VAV3: variants seen among roughly 807,000 people sequenced by gnomAD.
VAV3 encodes guanine nucleotide exchange factor VAV3.
In VAV3, 94 loss-of-function variants were observed where a neutral mutation model predicts 131.2. The ratio of observed to expected loss-of-function variants is 0.72; its 90% CI spans 0.61 to 0.85. The LOEUF (loss-of-function observed/expected upper bound fraction) is 0.85, where lower values mean the gene tolerates loss of function less well. VAV3 is among the 40% of genes least tolerant of loss of function. VAV3 has a pLI of 0.00. For synonymous variants in VAV3, 349 were observed against 342.0 expected, an observed-to-expected ratio of 1.02 and a Z score of -0.22; for missense variants, 939 against 1,002.7, an observed-to-expected ratio of 0.94 and a Z score of 0.86.
intron 25 of VAV3, among the ~76,000 whole-genome samples, chr1:107,585,003 T>C (rs1650369826): frequency 6.6e-6 from 1 of 152,198 alleles, no homozygotes; most frequent in Non-Finnish European, 1.5e-5. Context: ...TCACAGGAGC[T>C]TAGAAATTAG....
chr1:107,776,836 A>G (rs1665386138), intron 4 of VAV3, among the ~76,000 whole-genome samples: 1 of 152,162 alleles, frequency 6.6e-6, no homozygotes, highest in African/African-American at 2.4e-5. Context: ...CGCCTACTAA[A>G]ACATCCCGAA....
intron 20 of VAV3, among the ~76,000 whole-genome samples, chr1:107,622,287 A>G (rs1279657390): frequency 6.6e-6 from 1 of 152,192 alleles, no homozygotes; most frequent in Non-Finnish European, 1.5e-5. Flanking sequence ...AATTAAAACT[A>G]CTTCAGGTTT....
At chr1:107,951,410 C>G (rs1557942851) in intron 1 of VAV3, among the ~76,000 whole-genome samples, 2 of 152,294 alleles carry the variant, frequency 1.3e-5, no homozygotes, top group East Asian at 3.9e-4. Context: ...TGATTTATCT[C>G]TATGCCTTTG....
Position 107,609,965 on chromosome 1 carries a change from C to T in VAV3, c.1981G>A (p.Val661Met). The T allele has an allele frequency of 1.9e-6, 3 of 1,613,086 alleles. No individual in the cohort carries two copies. The highest frequency in any genetic ancestry group is 1.7e-6 in the Non-Finnish European group (2 of 1,179,408). ...PSDAVKPCPC[V>M]PKPVDYSCQP... ...CAAGAATAATCTACTGGTTTGGGCA[C>T]CTAGGATATAAAAAAGCAAAAACAG... Residue 661 changes from valine to methionine, a missense_variant and splice_region_variant, in exon 22 of 27, where the codon GTG becomes ATG. Val to Met is a conservative substitution (Grantham distance 21). Transcript: ENST00000370056.
chr1:107,766,652 T>C (rs558582524), intron 7 of VAV3, 102 bp from the exon 8 acceptor site: 7 of 789,656 alleles, frequency 8.9e-6, no homozygotes, highest in East Asian at 5.3e-5. Context: ...ACTCAGGATA[T>C]GCTGAATGCT....
intron 19 of VAV3, among the ~76,000 whole-genome samples, chr1:107,679,484 G>A (rs1570740226): frequency 6.6e-6 from 1 of 152,282 alleles, no homozygotes; most frequent in Non-Finnish European, 1.5e-5. Context: ...CGCCTGAAGT[G>A]TTTAAAAGCT....
intron 25 of VAV3, among the ~76,000 whole-genome samples, chr1:107,580,447 C>T (rs1649959812): frequency 6.6e-6 from 1 of 152,050 alleles, no homozygotes; most frequent in African/African-American, 2.4e-5. Flanking sequence ...TGCTGAACAC[C>T]TATTAAATAC....
chr1:107,797,645 T>C (rs1666610793), intron 2 of VAV3, among the ~76,000 whole-genome samples: 1 of 152,210 alleles, frequency 6.6e-6, no homozygotes, highest in Non-Finnish European at 1.5e-5. Flanking sequence ...AGAATGGCAT[T>C]CTAACAGCAG....
intron 19 of VAV3, among the ~76,000 whole-genome samples, chr1:107,679,028 G>C (rs1658421885): frequency 6.6e-6 from 1 of 151,902 alleles, no homozygotes; most frequent in Non-Finnish European, 1.5e-5. Flanking sequence ...TGCGGAAAGG[G>C]GCCATGTTTT....
At position 107,637,495 on chromosome 1, in the gene VAV3, C is replaced by G. The variant is rs144567050; in HGVS notation, c.1914+5124G>C. Among the ~76,000 whole-genome samples, 4 of 152,192 alleles carry G rather than the reference C, an allele frequency of 2.6e-5. No individual in the cohort carries two copies. In the East Asian group the frequency reaches 7.8e-4, roughly 30 times the overall value. ...AAAATTAGCCGGGCATGGTGACGTTCACCTGTAATCCCAGCTACTCATGTG... is the reference window on the plus strand; with the variant it reads ...AAAATTAGCCGGGCATGGTGACGTTGACCTGTAATCCCAGCTACTCATGTG... On this transcript the variant is annotated intron_variant, in intron 20 of 26. Transcript: ENST00000370056.
chr1:107,627,038 G>A (rs772591257), intron 20 of VAV3, among the ~76,000 whole-genome samples: 2 of 152,178 alleles, frequency 1.3e-5, no homozygotes, highest in African/African-American at 2.4e-5. Context: ...ATCCTTTGAA[G>A]TGACTGATTT....
chr1:107,801,419 T>C (rs1390506496), intron 2 of VAV3, among the ~76,000 whole-genome samples: 4 of 152,178 alleles, frequency 2.6e-5, no homozygotes, highest in African/African-American at 9.7e-5. Flanking sequence ...ATTTGAACTG[T>C]TAAAGCAAAC....
intron 2 of VAV3, chr1:107,785,348 T>A (rs1665923758): frequency 9.5e-7 from 1 of 1,054,152 alleles, no homozygotes; most frequent in Non-Finnish European, 1.2e-6. Context: ...CTTCTTGAGT[T>A]CTCTATTCTG....
intron 20 of VAV3, among the ~76,000 whole-genome samples, chr1:107,617,984 C>T (rs116368067): frequency 0.011 from 1,654 of 152,134 alleles, 11 homozygotes; most frequent in Middle Eastern, 0.02. Context: ...GTGCTGGGGG[C>T]GTGGCAGGTG....
chr1:107,624,363 T>C (rs1417795051), intron 20 of VAV3, among the ~76,000 whole-genome samples: 2 of 137,898 alleles, frequency 1.5e-5, no homozygotes, highest in Non-Finnish European at 3.1e-5. Flanking sequence ...TCCTAAATTA[T>C]AGTCTTATGA....
chr1:107,608,483 G>C (rs956337103), intron 22 of VAV3, among the ~76,000 whole-genome samples: 6 of 152,166 alleles, frequency 3.9e-5, no homozygotes, highest in African/African-American at 1.2e-4. Context: ...CAGGACTATA[G>C]TTTAAAATTC....
At chr1:107,597,117 C>A (rs776396222) in intron 24 of VAV3, among the ~76,000 whole-genome samples, 37 of 151,370 alleles carry the variant, frequency 2.4e-4, no homozygotes, top group Non-Finnish European at 4.9e-4. Context: ...CAAATGAGTC[C>A]TGTAGATATA....
rs377367526 is a variant in VAV3, at chr1:107,874,939, C to T, written c.283G>A (p.Glu95Lys). Residue 95 changes from glutamate to lysine, a missense_variant, in exon 2 of 27, where the codon GAG becomes AAG. By Grantham distance (56) the Glu-to-Lys change is moderately conservative. Transcript: ENST00000370056. ...CGAACATCAAACAAGTCAAATGCCT[C>T]GAAAAGTTCACTTTTCCTCATTCCA... is the stretch of plus-strand genomic sequence containing the variant. ...TFGMRKSELF[E>K]AFDLFDVRDF... 3 of 1,613,244 alleles carry T rather than the reference C, an allele frequency of 1.9e-6. No homozygotes were observed. Among genetic ancestry groups the T allele is most frequent in the Non-Finnish European group, 2.5e-6 (3 of 1,179,526 alleles).
intron 15 of VAV3, among the ~76,000 whole-genome samples, chr1:107,717,102 A>G (rs918277699): frequency 2.4e-4 from 37 of 152,072 alleles, no homozygotes; most frequent in Admixed American, 1.1e-3. Flanking sequence ...TATCATTTTT[A>G]TTGCATCTAT....
Sources: allele counts gnomAD v4.1 joint callset (sites outside exome capture counted in the v4.1 genomes callset), GRCh38; gene constraint gnomAD v4.1.1; transcripts MANE v1.5; gene names NCBI Gene and HGNC (gene_info 2026-07-23, HGNC 2026-07-21).